MYO5C: variants seen among roughly 807,000 people sequenced by gnomAD.
MYO5C encodes the protein myosin VC.
MYO5C carries 194 observed loss-of-function variants against 235.7 expected under a neutral mutation model. That is an observed-to-expected ratio of 0.82 (90% CI 0.73 to 0.93). The LOEUF (loss-of-function observed/expected upper bound fraction) is 0.93, where lower values mean the gene tolerates loss of function less well. MYO5C is among the 40% of genes least tolerant of loss of function. The probability of loss-of-function intolerance (pLI) is 0.00; values close to 1 mark genes in which losing one functional copy is unlikely to be tolerated. For synonymous variants in MYO5C, 707 were observed against 754.8 expected (o/e 0.94, Z 1.04); for missense variants, 2,038 against 2,127.2 (o/e 0.96, Z 0.82).
chr15:52,220,566 C>A (rs867665030), intron 30 of MYO5C, among the ~76,000 whole-genome samples: 3 of 152,020 alleles, frequency 2.0e-5, no homozygotes, highest in Non-Finnish European at 4.4e-5. Flanking sequence ...CGGCTGTAAT[C>A]CCAGAACATC....
intron 36 of MYO5C, among the ~76,000 whole-genome samples, chr15:52,207,905 G>T (rs1442235101): frequency 4.6e-5 from 7 of 152,124 alleles, no homozygotes; most frequent in Non-Finnish European, 7.4e-5. Context: ...CCAAATAAAT[G>T]CAATTTAAGT....
intron 28 of MYO5C, 93 bp from the exon 29 acceptor site, chr15:52,223,817 C>G: frequency 3.5e-6 from 4 of 1,151,666 alleles, no homozygotes; most frequent in Non-Finnish European, 4.8e-6. Context: ...CAACAAGAGC[C>G]GTGCACGAAG....
intron 4 of MYO5C, among the ~76,000 whole-genome samples, chr15:52,276,371 A>G (rs1014182367): frequency 6.6e-6 from 1 of 152,340 alleles, no homozygotes. Context: ...CGGGTCACAC[A>G]GGACACATTC....
chr15:52,246,354 G>A (rs553140065), intron 16 of MYO5C, among the ~76,000 whole-genome samples: 27 of 152,136 alleles, frequency 1.8e-4, no homozygotes, highest in Non-Finnish European at 2.5e-4. Flanking sequence ...CCTGGCCCAA[G>A]CACCCACTGA....
intron 7 of MYO5C, among the ~76,000 whole-genome samples, chr15:52,271,364 G>T (rs1247879130): frequency 6.6e-6 from 1 of 152,078 alleles, no homozygotes; most frequent in Non-Finnish European, 1.5e-5. Flanking sequence ...AAGTAGCTGG[G>T]ACTACAGGTG....
intron 1 of MYO5C, among the ~76,000 whole-genome samples, chr15:52,290,833 T>A (rs2037373464): frequency 6.6e-6 from 1 of 152,082 alleles, no homozygotes; most frequent in South Asian, 2.1e-4. Flanking sequence ...AAACAGAAAA[T>A]TTTATAGGGA....
chr15:52,226,714 C>T (rs28730328), intron 25 of MYO5C, among the ~76,000 whole-genome samples: 26,486 of 152,194 alleles, frequency 0.17, 4,313 homozygotes, highest in East Asian at 0.59. Flanking sequence ...TTATGGGGGA[C>T]TCAGGACTAT....
At chr15:52,221,046 G>T in intron 30 of MYO5C, 116 bp downstream of exon 30, 2 of 728,842 alleles carry the variant, frequency 2.7e-6, no homozygotes, top group South Asian at 3.8e-5. Flanking sequence ...TTTGTTACCT[G>T]CCCAGCCCCC....
chr15:52,208,474 G>A, intron 36 of MYO5C, 80 bp downstream of exon 36: 1 of 1,278,634 alleles, frequency 7.8e-7, no homozygotes. Context: ...AGAGGATAGA[G>A]GCTCTATTGA....
chr15:52,220,812 G>A (rs1194535231), intron 30 of MYO5C, among the ~76,000 whole-genome samples: 3 of 145,510 alleles, frequency 2.1e-5, no homozygotes, highest in African/African-American at 5.2e-5. Context: ...GGGCAAGGGC[G>A]AAACTCAGTC....
chr15:52,234,812 C>T lies in MYO5C; in HGVS notation c.2962+858G>A, dbSNP rs972714867. Reference sequence around the variant, plus strand: ...CCTCCCACTCTCCGCCCTGAACTCCCAGGGCTCTGCACTCCTCTGGGCCCC... The same window carrying T: ...CCTCCCACTCTCCGCCCTGAACTCCTAGGGCTCTGCACTCCTCTGGGCCCC... On this transcript the variant is annotated intron_variant, in intron 23 of 40. Coordinates refer to ENST00000261839, the MANE Select transcript of MYO5C (RefSeq NM_018728.4). 2.0e-5 allele frequency among the ~76,000 whole-genome samples: 3 copies of T among 152,168 alleles called. No individual in the cohort carries two copies. In the East Asian group the frequency reaches 5.8e-4, roughly 29 times the overall value.
At chr15:52,278,800 T>A in intron 4 of MYO5C, 73 bp downstream of exon 4, 7 of 1,547,968 alleles carry the variant, frequency 4.5e-6, no homozygotes, top group Admixed American at 3.5e-5. Flanking sequence ...ATATCTCCCC[T>A]CCACTGTGAT....
chr15:52,219,895 T>C, intron 30 of MYO5C, 73 bp from the exon 31 acceptor site: 1 of 1,248,784 alleles, frequency 8.0e-7, no homozygotes, highest in Non-Finnish European at 1.2e-6. Flanking sequence ...TTGGTATTAT[T>C]TTCAATTTTT....
In MYO5C at chr15:52,229,276, A is replaced by T. The variant is rs757994121; in HGVS notation, c.3064T>A (p.Tyr1022Asn). 1.2e-6 allele frequency: 2 copies of T among 1,614,150 alleles called. No individual in the cohort carries two copies. Among genetic ancestry groups the T allele is most frequent in the Non-Finnish European group, 1.7e-6 (2 of 1,180,022 alleles). Residue 1022 changes from tyrosine to asparagine, a missense_variant, in exon 25 of 41, where the codon TAT (tyrosine) becomes AAT (asparagine). By Grantham distance (143) the Tyr-to-Asn change is moderately radical. Coordinates refer to ENST00000261839, the MANE Select transcript of MYO5C (RefSeq NM_018728.4). ...EKSFELKTQDYEKQIQSLKEE... is the reference protein window; with the variant it reads ...EKSFELKTQDNEKQIQSLKEE... ...TTCAAAGACTGAATCTGCTTCTCAT[A>T]GTCTTGTGTTTTCAGTTCAAAACTT... is the stretch of plus-strand genomic sequence containing the variant.
intron 40 of MYO5C, 133 bp from the exon 41 acceptor site, chr15:52,194,187 T>G: frequency 2.6e-6 from 2 of 777,684 alleles, no homozygotes; most frequent in Non-Finnish European, 4.0e-6. Flanking sequence ...ATGACATACA[T>G]GAGAACTTTT....
intron 25 of MYO5C, among the ~76,000 whole-genome samples, chr15:52,227,433 G>A (rs1329784303): frequency 6.6e-6 from 1 of 150,462 alleles, no homozygotes; most frequent in African/African-American, 2.4e-5. Flanking sequence ...TCCTGACCTC[G>A]TGATCCGCCC....
At chr15:52,219,250 C>T (rs933914267) in intron 31 of MYO5C, among the ~76,000 whole-genome samples, 17 of 152,228 alleles carry the variant, frequency 1.1e-4, no homozygotes, top group Non-Finnish European at 8.8e-5. Flanking sequence ...ATTCTCCCCA[C>T]AAGGCTCTGC....
chr15:52,224,803 AT>A, intron 28 of MYO5C, 97 bp downstream of exon 28: 1 of 936,886 alleles, frequency 1.1e-6, no homozygotes, highest in African/African-American at 1.7e-5. Flanking sequence ...ACTATAAGGA[AT>A]TTGTGTATCA....
At chr15:52,267,860 C>T (rs1345193565) in intron 8 of MYO5C, among the ~76,000 whole-genome samples, 1 of 151,984 alleles carries the variant, frequency 6.6e-6, no homozygotes, top group African/African-American at 2.4e-5. Context: ...TGAGGGTGGG[C>T]AGGGCAGGGC....
Sources: allele counts gnomAD v4.1 joint callset (sites outside exome capture counted in the v4.1 genomes callset), GRCh38; gene constraint gnomAD v4.1.1; transcripts MANE v1.5; gene names NCBI Gene and HGNC (gene_info 2026-07-23, HGNC 2026-07-21).